Variants in DRC11 observed in about 807,000 individuals in gnomAD.
DRC11 encodes dynein regulatory complex subunit 11, also known as IQ and AAA domain-containing protein 1.
chr2:236,454,239 C>T, the DRC11 span, among the ~76,000 whole-genome samples: 1 of 152,104 alleles, frequency 6.6e-6, no homozygotes, highest in African/African-American at 2.4e-5. This position sits in a 1 kb window ranked among gnomAD's most constrained non-coding sequence, Gnocchi z 5.3. Context: ...GACTTGGTGC[C>T]CGGATAAACC....
the DRC11 span, among the ~76,000 whole-genome samples, chr2:236,345,531 C>T: frequency 1.3e-5 from 2 of 152,148 alleles, no homozygotes; most frequent in Non-Finnish European, 1.5e-5. Flanking sequence ...TGAGAAAAAC[C>T]GTTTCAGCAC....
the DRC11 span, among the ~76,000 whole-genome samples, chr2:236,478,847 TG>T: frequency 6.6e-6 from 1 of 150,980 alleles, no homozygotes; most frequent in African/African-American, 2.4e-5. The surrounding 1 kb of genome is among the most constrained non-coding windows in gnomAD (Gnocchi z 5.9). Context: ...TTTTTTGAGA[TG>T]GAGTCTTGCT....
chr2:236,497,164 G>A, the DRC11 span: 1 of 1,604,438 alleles, frequency 6.2e-7, no homozygotes, highest in Non-Finnish European at 8.5e-7. The surrounding 1 kb of genome is among the most constrained non-coding windows in gnomAD (Gnocchi z 5.1). Context: ...AGTGCTTACG[G>A]GGGCCAGCTT....
the DRC11 span, among the ~76,000 whole-genome samples, chr2:236,505,487 G>A: frequency 6.6e-6 from 1 of 152,000 alleles, no homozygotes; most frequent in Non-Finnish European, 1.5e-5. Flanking sequence ...TACCCCCAGA[G>A]CCCTCTGTCT....
chr2:236,331,332 G>A, the DRC11 span: 34 of 1,504,354 alleles, frequency 2.3e-5, no homozygotes, highest in Admixed American at 2.3e-4. This position sits in a 1 kb window ranked among gnomAD's most constrained non-coding sequence, Gnocchi z 4.8. Context: ...CTGCTGCTAA[G>A]ACTTGGTCAT....
chr2:236,463,392 A>T, the DRC11 span, among the ~76,000 whole-genome samples: 1 of 152,190 alleles, frequency 6.6e-6, no homozygotes, highest in African/African-American at 2.4e-5. This position sits in a 1 kb window ranked among gnomAD's most constrained non-coding sequence, Gnocchi z 5.0. Flanking sequence ...CCTCATTTTA[A>T]ATACCCCTTC....
the DRC11 span, among the ~76,000 whole-genome samples, chr2:236,307,633 C>T: frequency 6.6e-6 from 1 of 152,240 alleles, no homozygotes; most frequent in Non-Finnish European, 1.5e-5. The surrounding 1 kb of genome is among the most constrained non-coding windows in gnomAD (Gnocchi z 7.0). Context: ...CGGGGGTGTC[C>T]TCTAGGATCA....
the DRC11 span, among the ~76,000 whole-genome samples, chr2:236,340,536 AG>A: frequency 1.3e-5 from 2 of 152,148 alleles, no homozygotes; most frequent in Admixed American, 6.5e-5. Context: ...AGAACAAAGC[AG>A]GTGGTGGGAG....
At chr2:236,505,473 C>T in the DRC11 span, among the ~76,000 whole-genome samples, 1 of 152,086 alleles carries the variant, frequency 6.6e-6, no homozygotes, top group Non-Finnish European at 1.5e-5. Flanking sequence ...GTAGAGGCTC[C>T]TGTTACCCCC....
At chr2:236,380,466 G>T in the DRC11 span, 4 of 866,414 alleles carry the variant, frequency 4.6e-6, no homozygotes, top group Non-Finnish European at 7.6e-6. The surrounding 1 kb of genome is among the most constrained non-coding windows in gnomAD (Gnocchi z 4.9). Context: ...GACTGTGGAG[G>T]ATGAAGAGGG....
chr2:236,437,609 G>A, the DRC11 span, among the ~76,000 whole-genome samples: 80 of 148,600 alleles, frequency 5.4e-4, 2 homozygotes, highest in Non-Finnish European at 2.7e-4. Context: ...ACCTGTTGTT[G>A]CCTGACTTTT....
the DRC11 span, among the ~76,000 whole-genome samples, chr2:236,461,510 T>C: frequency 6.6e-6 from 1 of 152,256 alleles, no homozygotes; most frequent in East Asian, 1.9e-4. The surrounding 1 kb of genome is among the most constrained non-coding windows in gnomAD (Gnocchi z 4.0). Flanking sequence ...TGTAATACCA[T>C]TGGCTTGCAC....
At chr2:236,497,723 T>G in the DRC11 span, among the ~76,000 whole-genome samples, 1 of 152,236 alleles carries the variant, frequency 6.6e-6, no homozygotes, top group African/African-American at 2.4e-5. This position sits in a 1 kb window ranked among gnomAD's most constrained non-coding sequence, Gnocchi z 5.1. Context: ...GCATTTTGTC[T>G]AAATGATATA....
the DRC11 span, among the ~76,000 whole-genome samples, chr2:236,435,472 G>A: frequency 1.9e-4 from 29 of 152,210 alleles, no homozygotes; most frequent in African/African-American, 6.5e-4. Context: ...ATAAAGAACT[G>A]CCTGAGACTG....
At chr2:236,449,457 C>T in the DRC11 span, among the ~76,000 whole-genome samples, 3 of 152,210 alleles carry the variant, frequency 2.0e-5, no homozygotes, top group African/African-American at 7.2e-5. This position sits in a 1 kb window ranked among gnomAD's most constrained non-coding sequence, Gnocchi z 5.1. Flanking sequence ...GTGACTCAGG[C>T]CGTGTTGCTG....
the DRC11 span, among the ~76,000 whole-genome samples, chr2:236,336,095 G>A: frequency 1.3e-5 from 2 of 152,138 alleles, no homozygotes; most frequent in Non-Finnish European, 2.9e-5. This position sits in a 1 kb window ranked among gnomAD's most constrained non-coding sequence, Gnocchi z 7.3. Flanking sequence ...AAAAGATGAA[G>A]AAGGCACTAG....
the DRC11 span, among the ~76,000 whole-genome samples, chr2:236,308,104 T>A: frequency 1.3e-5 from 2 of 152,260 alleles, no homozygotes; most frequent in Admixed American, 1.3e-4. This position sits in a 1 kb window ranked among gnomAD's most constrained non-coding sequence, Gnocchi z 6.0. Context: ...CATCGTGCTG[T>A]GCTTGCTTTG....
chr2:236,448,789 TG>T, the DRC11 span, among the ~76,000 whole-genome samples: 1,877 of 152,154 alleles, frequency 0.012, 40 homozygotes, highest in African/African-American at 0.042. The surrounding 1 kb of genome is among the most constrained non-coding windows in gnomAD (Gnocchi z 5.3). Flanking sequence ...CTGTTGTAAG[TG>T]GGGGAGCCAT....
At chr2:236,495,370 G>A in the DRC11 span, among the ~76,000 whole-genome samples, 1 of 152,156 alleles carries the variant, frequency 6.6e-6, no homozygotes, top group African/African-American at 2.4e-5. The surrounding 1 kb of genome is among the most constrained non-coding windows in gnomAD (Gnocchi z 5.6). Flanking sequence ...AGGATTTTGA[G>A]GATGAGAAAA....
Sources: gnomAD v4.1 joint callset for allele counts (sites outside exome capture counted in the v4.1 genomes callset) on GRCh38, gnomAD v4.1.1 for gene constraint, Gnocchi (gnomAD v3.1) non-coding constraint, MANE v1.5 for transcripts, NCBI Gene and HGNC (gene_info 2026-07-23, HGNC 2026-07-21) for gene names.